Variants in GRIN2B observed in about 807,000 individuals in gnomAD.
GRIN2B encodes the protein glutamate receptor ionotropic, NMDA 2B.
A neutral mutation model predicts 114.5 loss-of-function variants in GRIN2B; 5 were observed. That is an observed-to-expected ratio of 0.04 (90% CI 0.02 to 0.09). GRIN2B has a LOEUF of 0.09. GRIN2B is among the 10% of genes least tolerant of loss of function. The pLI is 1.00. For missense variants in GRIN2B, 1,108 were observed against 1,943.5 expected, an observed-to-expected ratio of 0.57 and a Z score of 8.08; for synonymous variants, 787 against 745.1, an observed-to-expected ratio of 1.06 and a Z score of -0.92.
chr12:13,594,646 A>C lies in GRIN2B; in HGVS notation c.2010+13957T>G, dbSNP rs777598048. 2.0e-5 allele frequency among the ~76,000 whole-genome samples: 3 copies of C among 150,478 alleles called. No homozygotes were observed. The South Asian group carries it at 6.4e-4, about 32-fold the overall frequency. ...TATGTAACAAACCCGCACATTCTGC[A>C]CATGTACCCTAGAACTTAAAGTATT... On this transcript the variant is annotated intron_variant, in intron 10 of 13. Coordinates refer to ENST00000609686, the MANE Select transcript of GRIN2B (RefSeq NM_000834.5).
chr12:13,938,352 A>G (rs151237066), intron 2 of GRIN2B, among the ~76,000 whole-genome samples: 3 of 152,286 alleles, frequency 2.0e-5, no homozygotes, highest in East Asian at 1.9e-4. Context: ...AAAGGAATAT[A>G]TGGGTTAAAG....
intron 3 of GRIN2B, among the ~76,000 whole-genome samples, chr12:13,799,983 A>G (rs1407028706): frequency 1.3e-5 from 2 of 152,156 alleles, no homozygotes; most frequent in African/African-American, 4.8e-5. Context: ...GACTCTACTG[A>G]ACAATACCAG....
chr12:13,601,789 C>T (rs552499267), intron 10 of GRIN2B, among the ~76,000 whole-genome samples: 22 of 152,258 alleles, frequency 1.4e-4, no homozygotes, highest in African/African-American at 4.1e-4. Flanking sequence ...TCATCAACTC[C>T]GGGTCATCTG....
At chr12:13,636,945 T>C (rs1456320527) in intron 5 of GRIN2B, among the ~76,000 whole-genome samples, 1 of 152,140 alleles carries the variant, frequency 6.6e-6, no homozygotes, top group Non-Finnish European at 1.5e-5. Context: ...AAACTCTCAA[T>C]AAATATTGCC....
intron 5 of GRIN2B, among the ~76,000 whole-genome samples, chr12:13,632,412 A>G (rs1229356084): frequency 6.6e-6 from 1 of 152,244 alleles, no homozygotes; most frequent in Non-Finnish European, 1.5e-5. Flanking sequence ...TGCAGCCAAT[A>G]TTAAGTGTAA....
chr12:13,683,883 T>C (rs1428295109), intron 4 of GRIN2B: 1 of 152,080 alleles, frequency 6.6e-6, no homozygotes, highest in Non-Finnish European at 1.5e-5. Context: ...GTCAGGGGAG[T>C]TAGCATTTGA....
At chr12:13,835,087 C>T (rs1238926968) in intron 3 of GRIN2B, among the ~76,000 whole-genome samples, 3 of 152,220 alleles carry the variant, frequency 2.0e-5, no homozygotes, top group Non-Finnish European at 4.4e-5. Flanking sequence ...TTCTCATTCT[C>T]TTTCTTTCCC....
At chr12:13,811,206 T>C (rs1864722515) in intron 3 of GRIN2B, among the ~76,000 whole-genome samples, 1 of 152,196 alleles carries the variant, frequency 6.6e-6, no homozygotes, top group Admixed American at 6.5e-5. Context: ...CACTCTCTCC[T>C]CCTATTCTCA....
chr12:13,804,581 G>A (rs982362471), intron 3 of GRIN2B, among the ~76,000 whole-genome samples: 3 of 152,042 alleles, frequency 2.0e-5, no homozygotes, highest in African/African-American at 7.2e-5. Flanking sequence ...CAGTGCCCAA[G>A]GGAACCTGTA....
At chr12:13,583,213 C>G (rs1453103232) in intron 10 of GRIN2B, among the ~76,000 whole-genome samples, 1 of 152,084 alleles carries the variant, frequency 6.6e-6, no homozygotes, top group Non-Finnish European at 1.5e-5. Context: ...AGATACAATC[C>G]CTACCATTAC....
chr12:13,783,129 A>G (rs1280319945), intron 3 of GRIN2B, among the ~76,000 whole-genome samples: 1 of 152,202 alleles, frequency 6.6e-6, no homozygotes, highest in Non-Finnish European at 1.5e-5. Flanking sequence ...ATAATACACT[A>G]CCAAAAAATA....
chr12:13,773,717 G>A (rs1863950285), intron 3 of GRIN2B, among the ~76,000 whole-genome samples: 1 of 152,184 alleles, frequency 6.6e-6, no homozygotes, highest in Non-Finnish European at 1.5e-5. Flanking sequence ...TCTGTACCTT[G>A]ATACAGTTCA....
At chr12:13,954,694 C>T (rs966148971) in intron 2 of GRIN2B, among the ~76,000 whole-genome samples, 3 of 150,910 alleles carry the variant, frequency 2.0e-5, no homozygotes, top group African/African-American at 4.9e-5. Flanking sequence ...CACCTGTAAT[C>T]GCAGCTACTC....
intron 2 of GRIN2B, among the ~76,000 whole-genome samples, chr12:13,949,377 G>A (rs1315415912): frequency 6.6e-6 from 1 of 152,068 alleles, no homozygotes; most frequent in South Asian, 2.1e-4. Flanking sequence ...GAGATCAAAG[G>A]CAGAAACTTT....
chr12:13,824,520 A>AGCCAGTCTT (rs1864994589), intron 3 of GRIN2B, among the ~76,000 whole-genome samples: 1 of 152,008 alleles, frequency 6.6e-6, no homozygotes, highest in Non-Finnish European at 1.5e-5. Flanking sequence ...CTCAGTTCTG[A>AGCCAGTCTT]GCCAGTCTTG....
chr12:13,570,579 C>G (rs926438279), intron 11 of GRIN2B, among the ~76,000 whole-genome samples: 2 of 152,052 alleles, frequency 1.3e-5, no homozygotes, highest in Non-Finnish European at 2.9e-5. Flanking sequence ...AGTGAAACTA[C>G]AAGAGAAAGC....
At position 13,563,714 on chromosome 12, in the gene GRIN2B, T is replaced by C. The variant is rs774794141; in HGVS notation, c.3524A>G (p.Asn1175Ser). ...DSVSGGGPCTNRSHIKHGTGD... is the reference protein window; with the variant it reads ...DSVSGGGPCTSRSHIKHGTGD... ...CGTCCCGTGCTTGATGTGAGACCTG[T>C]TGGTACAGGGCCCTCCTCCGCTGAC... is the stretch of plus-strand genomic sequence containing the variant. Residue 1175 changes from asparagine to serine, a missense_variant, in exon 14 of 14, where the codon AAC becomes AGC. Transcript: ENST00000609686. 3.8e-5 allele frequency: 61 copies of C among 1,613,498 alleles called. 1 individual carries two copies. Among genetic ancestry groups the C allele is most frequent in the Non-Finnish European group, 3.9e-5 (46 of 1,179,964 alleles).
At chr12:13,908,806 A>G (rs1376549556) in intron 2 of GRIN2B, among the ~76,000 whole-genome samples, 1 of 152,220 alleles carries the variant, frequency 6.6e-6, no homozygotes, top group Non-Finnish European at 1.5e-5. Flanking sequence ...TGCTTGAGAC[A>G]TCTCACAAAA....
At chr12:13,603,046 C>T (rs1482167007) in intron 10 of GRIN2B, among the ~76,000 whole-genome samples, 1 of 152,120 alleles carries the variant, frequency 6.6e-6, no homozygotes, top group Non-Finnish European at 1.5e-5. Context: ...CCACTGACCC[C>T]CTAACTGTCC....
Sources: allele counts gnomAD v4.1 joint callset (sites outside exome capture counted in the v4.1 genomes callset), GRCh38; gene constraint gnomAD v4.1.1; transcripts MANE v1.5; gene names NCBI Gene and HGNC (gene_info 2026-07-23, HGNC 2026-07-21).